MACROD2: variants seen among roughly 807,000 people sequenced by gnomAD.
MACROD2 encodes mono-ADP ribosylhydrolase 2.
Under a neutral mutation model 70.4 loss-of-function variants are expected in MACROD2, and 36 were observed. That is an observed-to-expected ratio of 0.51 (90% CI 0.39 to 0.68). The LOEUF (loss-of-function observed/expected upper bound fraction) is 0.68, where lower values mean the gene tolerates loss of function less well. Among genes scored for constraint, MACROD2 ranks in the 30% least tolerant of loss-of-function variants. The pLI is 0.00. For missense variants in MACROD2, 496 were observed against 538.4 expected (o/e 0.92, Z 0.78); for synonymous variants, 172 against 178.8 (o/e 0.96, Z 0.30).
At chr20:14,579,116 T>C (rs1221237002) in intron 4 of MACROD2, among the ~76,000 whole-genome samples, 2 of 149,336 alleles carry the variant, frequency 1.3e-5, no homozygotes, top group African/African-American at 2.4e-5. Flanking sequence ...GGGAAGCAAC[T>C]GTATCCAATT....
intron 8 of MACROD2, among the ~76,000 whole-genome samples, chr20:15,636,852 A>G (rs1257832795): frequency 6.6e-6 from 1 of 152,074 alleles, no homozygotes; most frequent in Non-Finnish European, 1.5e-5. Flanking sequence ...GGAGGGGATG[A>G]GCTGTCACAT....
At chr20:14,971,397 G>C (rs1241231231) in intron 5 of MACROD2, among the ~76,000 whole-genome samples, 2 of 151,694 alleles carry the variant, frequency 1.3e-5, no homozygotes, top group Admixed American at 1.3e-4. Context: ...AGACCTCTCA[G>C]CCCATTCAAA....
intron 5 of MACROD2, among the ~76,000 whole-genome samples, chr20:15,028,175 A>G (rs1396208930): frequency 1.3e-5 from 2 of 152,224 alleles, no homozygotes; most frequent in African/African-American, 4.8e-5. Context: ...AGATGCCTGG[A>G]AAGGCCCTGG....
At chr20:14,344,135 T>G (rs1302664905) in intron 3 of MACROD2, among the ~76,000 whole-genome samples, 1 of 152,188 alleles carries the variant, frequency 6.6e-6, no homozygotes, top group Non-Finnish European at 1.5e-5. Context: ...GAAACATGTT[T>G]AAGGTAGAGT....
At chr20:14,633,078 G>C (rs1442358641) in intron 4 of MACROD2, among the ~76,000 whole-genome samples, 2 of 152,218 alleles carry the variant, frequency 1.3e-5, no homozygotes, top group African/African-American at 4.8e-5. Context: ...GCCCTGGAGA[G>C]GAACCTTTCT....
intron 2 of MACROD2, among the ~76,000 whole-genome samples, chr20:14,008,013 C>A (rs538009887): frequency 1.4e-4 from 21 of 151,954 alleles, no homozygotes; most frequent in African/African-American, 4.1e-4. Flanking sequence ...TATGATAATA[C>A]CATACTGAAT....
chr20:15,155,822 A>G (rs799170), intron 5 of MACROD2, among the ~76,000 whole-genome samples: 89,564 of 151,868 alleles, frequency 0.59, 26,543 homozygotes, highest in East Asian at 0.65. Flanking sequence ...CTGTATTTAT[A>G]TCTAGCATTT....
intron 6 of MACROD2, among the ~76,000 whole-genome samples, chr20:15,301,411 C>G (rs1309719293): frequency 6.6e-6 from 1 of 152,110 alleles, no homozygotes; most frequent in Non-Finnish European, 1.5e-5. Flanking sequence ...CAAAGAGCAG[C>G]TGGGCTCATG....
chr20:15,442,768 C>G (rs974702593), intron 7 of MACROD2, among the ~76,000 whole-genome samples: 2 of 144,912 alleles, frequency 1.4e-5, no homozygotes, highest in African/African-American at 5.2e-5. Flanking sequence ...ATTAAATCAA[C>G]AGGTTGCTCG....
chr20:15,477,839 A>G (rs1367668126), intron 7 of MACROD2, among the ~76,000 whole-genome samples: 1 of 152,202 alleles, frequency 6.6e-6, no homozygotes, highest in African/African-American at 2.4e-5. Context: ...TGGTCCTTAT[A>G]TGAGGAAGGC....
intron 3 of MACROD2, among the ~76,000 whole-genome samples, chr20:14,131,846 T>C (rs895336399): frequency 6.6e-6 from 1 of 151,998 alleles, no homozygotes. Flanking sequence ...TTTAAGAGAT[T>C]CTCGGCCGCG....
Position 16,016,765 on chromosome 20 carries a change from T to C in MACROD2, c.1154-24436T>C, listed in dbSNP as rs150795373. On this transcript the variant is annotated intron_variant, in intron 15 of 17. Transcript: ENST00000684519. ...TGGCCATGCTGGTCTCGAACGAAAC[T>C]GAGCTTTTAATATCCGCTTCCTCAT... is the stretch of plus-strand genomic sequence containing the variant. 1.4e-4 allele frequency among the ~76,000 whole-genome samples: 21 copies of C among 152,254 alleles called. No individual in the cohort carries two copies. The East Asian group carries it at 3.9e-3, about 28-fold the overall frequency.
chr20:14,359,187 C>CAAA (rs1206422009), intron 3 of MACROD2, among the ~76,000 whole-genome samples: 1 of 148,812 alleles, frequency 6.7e-6, no homozygotes, highest in Non-Finnish European at 1.5e-5. Context: ...GACTCTGTCT[C>CAAA]AAAAACAAAC....
At chr20:15,336,459 CT>C (rs2078049942) in intron 6 of MACROD2, among the ~76,000 whole-genome samples, 1 of 151,290 alleles carries the variant, frequency 6.6e-6, no homozygotes, top group Non-Finnish European at 1.5e-5. Flanking sequence ...TTCACAGAGA[CT>C]GAGTAATTTT....
intron 4 of MACROD2, among the ~76,000 whole-genome samples, chr20:14,622,280 T>G (rs906067001): frequency 5.3e-5 from 8 of 152,086 alleles, no homozygotes; most frequent in Non-Finnish European, 1.2e-4. Context: ...TCTGAGAAGT[T>G]GTCCGTTAAG....
At chr20:15,525,752 T>C (rs886492139) in intron 8 of MACROD2, among the ~76,000 whole-genome samples, 4 of 152,226 alleles carry the variant, frequency 2.6e-5, no homozygotes, top group African/African-American at 9.6e-5. Flanking sequence ...GTAGGCTAAT[T>C]ATCCTTTTAT....
intron 8 of MACROD2, among the ~76,000 whole-genome samples, chr20:15,800,395 T>G (rs984400660): frequency 6.6e-6 from 1 of 152,242 alleles, no homozygotes. Context: ...CTATGTTTTC[T>G]TCTAGTAGTT....
intron 8 of MACROD2, among the ~76,000 whole-genome samples, chr20:15,761,823 G>A (rs1212747194): frequency 6.6e-6 from 1 of 152,214 alleles, no homozygotes; most frequent in African/African-American, 2.4e-5. Flanking sequence ...CCAAAGCAAA[G>A]CAACTCATTT....
intron 5 of MACROD2, among the ~76,000 whole-genome samples, chr20:14,975,934 A>G (rs1304184812): frequency 6.6e-6 from 1 of 152,184 alleles, no homozygotes; most frequent in Non-Finnish European, 1.5e-5. Context: ...GAGGTGGATT[A>G]CAGTTCCCGG....
Sources: allele counts gnomAD v4.1 joint callset (sites outside exome capture counted in the v4.1 genomes callset), GRCh38; gene constraint gnomAD v4.1.1; transcripts MANE v1.5; gene names NCBI Gene and HGNC (gene_info 2026-07-23, HGNC 2026-07-21).